The following NOS1AP variants were observed in gnomAD, a reference collection of about 807,000 sequenced individuals.
NOS1AP encodes nitric oxide synthase 1 adaptor protein.
A neutral mutation model predicts 56.2 loss-of-function variants in NOS1AP; 21 were observed. The observed-to-expected ratio is 0.37, with a 90% CI of 0.26 to 0.54. The LOEUF (loss-of-function observed/expected upper bound fraction) is 0.54, where lower values mean the gene tolerates loss of function less well. NOS1AP is among the 20% of genes least tolerant of loss of function. The probability of loss-of-function intolerance (pLI) is 0.84; values close to 1 mark genes in which losing one functional copy is unlikely to be tolerated. For synonymous variants in NOS1AP, 270 were observed against 274.6 expected (o/e 0.98, Z 0.17); for missense variants, 522 against 657.8 (o/e 0.79, Z 2.26).
intron 1 of NOS1AP, among the ~76,000 whole-genome samples, chr1:162,122,072 A>G (rs1648264072): frequency 6.6e-6 from 1 of 152,240 alleles, no homozygotes; most frequent in Non-Finnish European, 1.5e-5. Context: ...AATTAATTTC[A>G]AGGAATATTT....
intron 1 of NOS1AP, among the ~76,000 whole-genome samples, chr1:162,135,498 G>A (rs191717418): frequency 1.3e-4 from 20 of 152,268 alleles, no homozygotes; most frequent in African/African-American, 4.3e-4. Context: ...AATCTTGATG[G>A]GGGGACACCT....
intron 1 of NOS1AP, among the ~76,000 whole-genome samples, chr1:162,095,268 C>T (rs1043696214): frequency 3.1e-4 from 47 of 152,062 alleles, no homozygotes; most frequent in African/African-American, 1.1e-3. Context: ...ATAGCGTGGT[C>T]CTCATGAGTG....
chr1:162,097,066 C>T (rs1013735743), intron 1 of NOS1AP, among the ~76,000 whole-genome samples: 4 of 152,074 alleles, frequency 2.6e-5, no homozygotes, highest in Non-Finnish European at 5.9e-5. Context: ...CTGTGCTCTA[C>T]ACCCCTGGTA....
intron 2 of NOS1AP, among the ~76,000 whole-genome samples, chr1:162,158,824 C>T (rs1228427566): frequency 1.3e-5 from 2 of 152,164 alleles, no homozygotes; most frequent in East Asian, 1.9e-4. Flanking sequence ...TTGTCCTGCT[C>T]GCTCTTTGTT....
At chr1:162,123,392 G>A (rs922188618) in intron 1 of NOS1AP, among the ~76,000 whole-genome samples, 3 of 152,148 alleles carry the variant, frequency 2.0e-5, no homozygotes, top group Non-Finnish European at 1.5e-5. Flanking sequence ...GGCTGGTCTC[G>A]AACTTCTGAC....
intron 1 of NOS1AP, among the ~76,000 whole-genome samples, chr1:162,143,997 G>C (rs1409476695): frequency 2.6e-5 from 4 of 152,176 alleles, no homozygotes; most frequent in Non-Finnish European, 5.9e-5. Flanking sequence ...CCAGTAGTTG[G>C]ATGACCATTT....
At chr1:162,079,768 A>G (rs530781920) in intron 1 of NOS1AP, among the ~76,000 whole-genome samples, 3 of 152,318 alleles carry the variant, frequency 2.0e-5, no homozygotes, top group Non-Finnish European at 4.4e-5. Flanking sequence ...TAATCTATAG[A>G]ATATTCAGAC....
At chr1:162,094,628 G>A (rs2102025717) in intron 1 of NOS1AP, among the ~76,000 whole-genome samples, 1 of 152,310 alleles carries the variant, frequency 6.6e-6, no homozygotes, top group South Asian at 2.1e-4. Flanking sequence ...GTGGACACTT[G>A]GCAGATTCTG....
At chr1:162,352,882 C>G (rs545831943) in intron 6 of NOS1AP, among the ~76,000 whole-genome samples, 1 of 152,330 alleles carries the variant, frequency 6.6e-6, no homozygotes, top group South Asian at 2.1e-4. Context: ...CCCTACTTGA[C>G]TGTTACACAG....
intron 2 of NOS1AP, among the ~76,000 whole-genome samples, chr1:162,177,524 G>T (rs1278558789): frequency 6.6e-6 from 1 of 152,146 alleles, no homozygotes; most frequent in Non-Finnish European, 1.5e-5. Context: ...GTGTAGCTCA[G>T]TCTCCTGGTT....
intron 6 of NOS1AP, 147 bp downstream of exon 6, chr1:162,344,123 T>G: frequency 1.1e-6 from 1 of 875,718 alleles, no homozygotes; most frequent in East Asian, 2.7e-5. Flanking sequence ...AGATTCTCTT[T>G]AAGGAACACG....
At chr1:162,361,042 G>T in intron 8 of NOS1AP, 1 of 396,214 alleles carries the variant, frequency 2.5e-6, no homozygotes, top group Non-Finnish European at 5.1e-6. Flanking sequence ...GAACTTTTGT[G>T]TGTCATGATG....
intron 2 of NOS1AP, among the ~76,000 whole-genome samples, chr1:162,242,811 A>G (rs980196330): frequency 6.6e-6 from 1 of 152,220 alleles, no homozygotes; most frequent in Non-Finnish European, 1.5e-5. Context: ...AGAAATTGCT[A>G]GTCTTCAGCA....
chr1:162,155,365 T>C (rs1166370016), intron 2 of NOS1AP, among the ~76,000 whole-genome samples: 1 of 63,536 alleles, frequency 1.6e-5, no homozygotes, highest in Non-Finnish European at 3.2e-5. Flanking sequence ...TATGTGTATA[T>C]ATATATAGAG....
intron 1 of NOS1AP, among the ~76,000 whole-genome samples, chr1:162,098,268 G>A (rs199554065): frequency 0.37 from 9,217 of 24,924 alleles, 466 homozygotes; most frequent in East Asian, 0.55. Flanking sequence ...CACCATGCCC[G>A]GCTATTGTTT....
chr1:162,344,440 A>G (rs1400966538), intron 6 of NOS1AP, among the ~76,000 whole-genome samples: 1 of 151,994 alleles, frequency 6.6e-6, no homozygotes, highest in African/African-American at 2.4e-5. Flanking sequence ...CAAGTCTGTT[A>G]ATCCTAGCAC....
chr1:162,243,007 C>T (rs1458296585), intron 2 of NOS1AP, among the ~76,000 whole-genome samples: 1 of 152,080 alleles, frequency 6.6e-6, no homozygotes, highest in Non-Finnish European at 1.5e-5. Flanking sequence ...ATACATACAC[C>T]CACAGACAGC....
intron 2 of NOS1AP, among the ~76,000 whole-genome samples, chr1:162,214,260 C>G (rs1284668352): frequency 8.1e-6 from 1 of 123,638 alleles, no homozygotes; most frequent in Non-Finnish European, 1.9e-5. Flanking sequence ...CTTGTTCATT[C>G]GTTCGTTCGT....
At chr1:162,130,544 AC>A (rs1442461223) in intron 1 of NOS1AP, among the ~76,000 whole-genome samples, 1 of 151,994 alleles carries the variant, frequency 6.6e-6, no homozygotes, top group Admixed American at 6.6e-5. Flanking sequence ...TGTTCTTGCC[AC>A]CTCCCAAGAA....
Sources: allele counts gnomAD v4.1 joint callset (sites outside exome capture counted in the v4.1 genomes callset), GRCh38; gene constraint gnomAD v4.1.1; transcripts MANE v1.5; gene names NCBI Gene and HGNC (gene_info 2026-07-23, HGNC 2026-07-21).